The following BRINP1 variants were observed in gnomAD, a reference collection of about 807,000 sequenced individuals.
BRINP1 encodes the protein BMP/retinoic acid inducible neural specific 1.
In BRINP1, 17 loss-of-function variants were observed where a neutral mutation model predicts 72.9. The observed-to-expected ratio is 0.23, with a 90% CI of 0.16 to 0.35. The LOEUF (loss-of-function observed/expected upper bound fraction) is 0.35. BRINP1 is among the 10% of genes least tolerant of loss of function. The probability of loss-of-function intolerance (pLI) is 1.00; values close to 1 mark genes in which losing one functional copy is unlikely to be tolerated. For synonymous variants in BRINP1, 418 were observed against 378.5 expected (o/e 1.10, Z -1.21); for missense variants, 850 against 1,001.6 (o/e 0.85, Z 2.04).
At chr9:119,300,496 C>A (rs898614983) in intron 2 of BRINP1, among the ~76,000 whole-genome samples, 3 of 152,028 alleles carry the variant, frequency 2.0e-5, no homozygotes, top group African/African-American at 7.2e-5. Context: ...AGTATATACA[C>A]GACTATGTAC....
intron 2 of BRINP1, among the ~76,000 whole-genome samples, chr9:119,263,116 T>C (rs1473900615): frequency 6.6e-6 from 1 of 152,056 alleles, no homozygotes; most frequent in Non-Finnish European, 1.5e-5. Context: ...GGGGCACAAT[T>C]TGAAAACTAT....
intron 7 of BRINP1, among the ~76,000 whole-genome samples, chr9:119,171,399 TGGTAAA>T (rs2118821852): frequency 7.1e-6 from 1 of 140,566 alleles, no homozygotes; most frequent in East Asian, 2.1e-4. Context: ...CATTACATAA[TGGTAAA>T]GGGATCAATT....
At chr9:119,301,716 A>G (rs1182614492) in intron 2 of BRINP1, among the ~76,000 whole-genome samples, 1 of 152,228 alleles carries the variant, frequency 6.6e-6, no homozygotes, top group Non-Finnish European at 1.5e-5. Flanking sequence ...CTACAGTCAC[A>G]TAAGATGTAA....
chr9:119,188,704 C>T (rs1434531473), intron 7 of BRINP1, among the ~76,000 whole-genome samples: 1 of 152,084 alleles, frequency 6.6e-6, no homozygotes. Flanking sequence ...ATCACTTGAA[C>T]CCAGGAGTTT....
intron 2 of BRINP1, among the ~76,000 whole-genome samples, chr9:119,261,291 A>G (rs1407399930): frequency 6.6e-6 from 1 of 152,222 alleles, no homozygotes; most frequent in African/African-American, 2.4e-5. Context: ...ATGGAACATT[A>G]GCAATTGTCT....
At position 119,180,979 on chromosome 9, in the gene BRINP1, A is replaced by T. The variant is rs570952015; in HGVS notation, c.1146-12755T>A. Reference sequence around the variant, plus strand: ...TTTAAAATTAGGTTGTCAGGAGCCTAATTGAGGAGGATTACGAAACAATTT... The same window carrying T: ...TTTAAAATTAGGTTGTCAGGAGCCTTATTGAGGAGGATTACGAAACAATTT... On this transcript the variant is annotated intron_variant, in intron 7 of 7. Coordinates refer to ENST00000265922, the MANE Select transcript of BRINP1 (RefSeq NM_014618.3). 3.9e-5 allele frequency among the ~76,000 whole-genome samples: 6 copies of T among 152,300 alleles called. No homozygotes were observed. In the South Asian group the frequency reaches 1.2e-3, roughly 32 times the overall value.
At chr9:119,239,291 A>T (rs1388675124) in intron 4 of BRINP1, among the ~76,000 whole-genome samples, 5 of 152,206 alleles carry the variant, frequency 3.3e-5, no homozygotes. Context: ...ATGAGTACAT[A>T]TACACTATTA....
chr9:119,354,359 G>T (rs1366045956), intron 1 of BRINP1, among the ~76,000 whole-genome samples: 1 of 152,146 alleles, frequency 6.6e-6, no homozygotes, highest in Non-Finnish European at 1.5e-5. Context: ...CTTATTCAAA[G>T]CTTACACAAA....
chr9:119,327,754 C>T (rs1049155388), intron 1 of BRINP1, among the ~76,000 whole-genome samples: 17 of 152,052 alleles, frequency 1.1e-4, no homozygotes, highest in African/African-American at 3.6e-4. Flanking sequence ...GTTTTGGTAA[C>T]CAGGTTAATG....
In BRINP1 at chr9:119,286,785, A is replaced by T. The variant is rs145083141; in HGVS notation, c.218+26353T>A. 3.4e-3 allele frequency among the ~76,000 whole-genome samples: 516 copies of T among 152,262 alleles called. 4 individuals carry two copies. Among genetic ancestry groups the T allele is most frequent in the African/African-American group, 0.012 (498 of 41,558 alleles). ...AGGTCATGCACAAGAGGACGGGGGA[A>T]CTCACCAGACAGAGTGTTCTACCCT... On this transcript the variant is annotated intron_variant, in intron 2 of 7. Coordinates refer to ENST00000265922, the MANE Select transcript of BRINP1 (RefSeq NM_014618.3).
At chr9:119,275,069 A>G (rs1187864134) in intron 2 of BRINP1, among the ~76,000 whole-genome samples, 2 of 152,218 alleles carry the variant, frequency 1.3e-5, no homozygotes, top group Non-Finnish European at 2.9e-5. Context: ...AAGTAAAACC[A>G]GAGCTTGGAT....
rs230103 is a variant in BRINP1, at chr9:119,168,303, G to A, written c.1146-79C>T. The A allele has an allele frequency of 0.022, 25,627 of 1,180,660 alleles. 3,241 individuals carry two copies. In the African/African-American group the frequency reaches 0.31, roughly 14 times the overall value. The allele number at this position is 1,180,660 out of a possible 1,614,324, so 73.1% of individuals were successfully genotyped here. The stretch of plus-strand genomic sequence containing the variant: ...GTTACAGTTATCCAACTGATAATGC[G>A]AACTGGAGCTGCCAAAAAGATGAAA... On this transcript the variant is annotated intron_variant, in intron 7 of 7. Coordinates refer to ENST00000265922, the MANE Select transcript of BRINP1 (RefSeq NM_014618.3).
intron 5 of BRINP1, among the ~76,000 whole-genome samples, chr9:119,233,424 A>C (rs1429872023): frequency 6.6e-6 from 1 of 152,168 alleles, no homozygotes; most frequent in Non-Finnish European, 1.5e-5. Flanking sequence ...AAATAAATCT[A>C]ATAAAAATAA....
At chr9:119,235,612 G>A (rs1286629115) in intron 5 of BRINP1, among the ~76,000 whole-genome samples, 1 of 151,962 alleles carries the variant, frequency 6.6e-6, no homozygotes, top group African/African-American at 2.4e-5. Flanking sequence ...TTTCCTTGGG[G>A]CAGAAACAAT....
intron 1 of BRINP1, among the ~76,000 whole-genome samples, chr9:119,366,527 TGTGTGTGTG>T (rs1831694146): frequency 1.3e-5 from 2 of 148,892 alleles, no homozygotes; most frequent in Non-Finnish European, 3.0e-5. Context: ...TGTGTGTGTG[TGTGTGTGTG>T]TGTGTGTGTG....
chr9:119,263,585 T>C (rs1217956787), intron 2 of BRINP1, among the ~76,000 whole-genome samples: 1 of 138,062 alleles, frequency 7.2e-6, no homozygotes, highest in African/African-American at 2.7e-5. Context: ...ACTTATAAAA[T>C]ACCCAGTAAA....
At chr9:119,283,697 T>G (rs1830734193) in intron 2 of BRINP1, among the ~76,000 whole-genome samples, 1 of 152,154 alleles carries the variant, frequency 6.6e-6, no homozygotes, top group South Asian at 2.1e-4. Flanking sequence ...CACAACCGGC[T>G]AATTTTTGTA....
intron 5 of BRINP1, among the ~76,000 whole-genome samples, chr9:119,224,429 T>C (rs1830071490): frequency 6.6e-6 from 1 of 152,034 alleles, no homozygotes; most frequent in East Asian, 1.9e-4. Context: ...TTAATTCACC[T>C]CTTTAGACTC....
intron 1 of BRINP1, among the ~76,000 whole-genome samples, chr9:119,318,882 T>C (rs994495872): frequency 2.8e-5 from 4 of 143,784 alleles, no homozygotes; most frequent in Admixed American, 7.0e-5. Context: ...TGTGTGTGTG[T>C]GTGCAGGAGA....
Sources: allele counts gnomAD v4.1 joint callset (sites outside exome capture counted in the v4.1 genomes callset), GRCh38; gene constraint gnomAD v4.1.1; transcripts MANE v1.5; gene names NCBI Gene and HGNC (gene_info 2026-07-23, HGNC 2026-07-21).